The following TESK2 variants were observed in gnomAD, a reference collection of about 807,000 sequenced individuals.
TESK2 encodes the protein dual specificity testis-specific protein kinase 2.
Under a neutral mutation model 57.1 loss-of-function variants are expected in TESK2, and 39 were observed. The ratio of observed to expected loss-of-function variants is 0.68; its 90% CI spans 0.53 to 0.89. The LOEUF is 0.89. TESK2 is among the 40% of genes least tolerant of loss of function. TESK2 has a pLI of 0.00. For synonymous variants in TESK2, 249 were observed against 267.9 expected, an observed-to-expected ratio of 0.93 and a Z score of 0.69; for missense variants, 646 against 732.1, an observed-to-expected ratio of 0.88 and a Z score of 1.36.
intron 2 of TESK2, among the ~76,000 whole-genome samples, chr1:45,444,909 T>A (rs993800414): frequency 6.6e-6 from 1 of 151,218 alleles, no homozygotes; most frequent in Non-Finnish European, 1.5e-5. Context: ...AAACTGCCTT[T>A]ATAAAACTAA....
At chr1:45,459,977 C>T (rs1292191096) in intron 1 of TESK2, among the ~76,000 whole-genome samples, 18 of 152,200 alleles carry the variant, frequency 1.2e-4, no homozygotes, top group East Asian at 1.9e-4. Flanking sequence ...AACCAAATAT[C>T]GCATGTTCTC....
Position 45,355,291 on chromosome 1 carries a change from A to G in TESK2, c.540+12T>C, listed in dbSNP as rs1647372923. On this transcript the variant is annotated intron_variant, in intron 5 of 10. Coordinates refer to ENST00000372086, the MANE Select transcript of TESK2 (RefSeq NM_007170.3). ...TATCTCTCAATGAGTTGTGAGAGTA[A>G]AGCCTTCATACCTTAGATGTGAGGT... 1 of 1,613,188 alleles carries G rather than the reference A, an allele frequency of 6.2e-7. No individual in the cohort carries two copies. The highest frequency in any genetic ancestry group is 8.5e-7 in the Non-Finnish European group (1 of 1,179,782).
chr1:45,377,913 C>T (rs1216243369), intron 4 of TESK2, among the ~76,000 whole-genome samples: 1 of 151,804 alleles, frequency 6.6e-6, no homozygotes, highest in Non-Finnish European at 1.5e-5. Context: ...GTAGTCCCAG[C>T]CACTTGGGAG....
intron 2 of TESK2, among the ~76,000 whole-genome samples, chr1:45,445,133 GACACCCCCA>G (rs920394997): frequency 2.0e-5 from 3 of 152,006 alleles, no homozygotes; most frequent in Non-Finnish European, 4.4e-5. Context: ...CTGGTCTTGT[GACACCCCCA>G]ACCACCACCA....
At chr1:45,348,777 C>G (rs1647189626) in intron 5 of TESK2, among the ~76,000 whole-genome samples, 1 of 152,200 alleles carries the variant, frequency 6.6e-6, no homozygotes, top group Non-Finnish European at 1.5e-5. Flanking sequence ...CATCTCAACT[C>G]TTAGCTCCTC....
At chr1:45,479,017 C>T (rs902274221) in intron 1 of TESK2, among the ~76,000 whole-genome samples, 7 of 152,096 alleles carry the variant, frequency 4.6e-5, no homozygotes, top group African/African-American at 1.7e-4. Flanking sequence ...AGCAACCATA[C>T]CCAGCCTGTT....
chr1:45,466,674 T>A (rs1652566638), intron 1 of TESK2, among the ~76,000 whole-genome samples: 1 of 148,270 alleles, frequency 6.7e-6, no homozygotes, highest in African/African-American at 2.5e-5. Flanking sequence ...ATAATATATA[T>A]TATATATTAT....
intron 2 of TESK2, among the ~76,000 whole-genome samples, chr1:45,454,345 T>A (rs1295076879): frequency 2.0e-5 from 3 of 152,158 alleles, no homozygotes; most frequent in Non-Finnish European, 4.4e-5. Context: ...CAACCATGTG[T>A]ACATACTTAA....
intron 5 of TESK2, among the ~76,000 whole-genome samples, 166 bp from the exon 6 acceptor site, chr1:45,348,166 G>A (rs1490515693): frequency 6.6e-6 from 1 of 152,170 alleles, no homozygotes; most frequent in Non-Finnish European, 1.5e-5. Context: ...CTCTAAGACA[G>A]CCAGGTGAGA....
At chr1:45,460,200 T>C (rs1416541482) in intron 1 of TESK2, among the ~76,000 whole-genome samples, 1 of 151,622 alleles carries the variant, frequency 6.6e-6, no homozygotes, top group African/African-American at 2.4e-5. Context: ...CTCCTGAATC[T>C]AAAATATAAA....
intron 4 of TESK2, among the ~76,000 whole-genome samples, chr1:45,379,083 C>A (rs1314674274): frequency 6.6e-6 from 1 of 152,076 alleles, no homozygotes; most frequent in African/African-American, 2.4e-5. Context: ...CTGAAACACA[C>A]AAAAAAATAA....
chr1:45,382,021 T>A (rs111430918), intron 4 of TESK2, among the ~76,000 whole-genome samples: 1,575 of 151,050 alleles, frequency 0.01, 30 homozygotes, highest in African/African-American at 0.036. Context: ...TAGGTGTGTA[T>A]CACCACATCT....
At chr1:45,390,075 T>A (rs1404500058) in intron 3 of TESK2, among the ~76,000 whole-genome samples, 1 of 152,112 alleles carries the variant, frequency 6.6e-6, no homozygotes, top group East Asian at 1.9e-4. Flanking sequence ...CATCCACCTG[T>A]CCTTTTCCTC....
intron 3 of TESK2, among the ~76,000 whole-genome samples, chr1:45,404,992 A>G (rs1270716496): frequency 6.6e-6 from 1 of 152,192 alleles, no homozygotes; most frequent in African/African-American, 2.4e-5. Context: ...TTATTGTGAC[A>G]GTAGTAATAA....
chr1:45,441,754 T>G (rs1284530207), intron 2 of TESK2, among the ~76,000 whole-genome samples: 1 of 150,732 alleles, frequency 6.6e-6, no homozygotes, highest in African/African-American at 2.4e-5. Flanking sequence ...AGTAGTGAGA[T>G]TACAGGTACG....
chr1:45,405,873 C>CA (rs34880715), intron 3 of TESK2, among the ~76,000 whole-genome samples: 37,975 of 148,802 alleles, frequency 0.26, 4,910 homozygotes, highest in East Asian at 0.36. Context: ...GACCCTGTCT[C>CA]AAAAAAAAAT....
chr1:45,427,659 TAGAA>T (rs955942790), intron 2 of TESK2, among the ~76,000 whole-genome samples: 1 of 152,106 alleles, frequency 6.6e-6, no homozygotes, highest in African/African-American at 2.4e-5. Context: ...AAGCCAGACA[TAGAA>T]AGACAAACTT....
At chr1:45,346,904 A>C in intron 8 of TESK2, 75 bp downstream of exon 8, 1 of 1,572,058 alleles carries the variant, frequency 6.4e-7, no homozygotes, top group Non-Finnish European at 8.8e-7. Context: ...CAGCAAGTCC[A>C]TCCCAGGGAC....
At chr1:45,415,410 T>C in intron 3 of TESK2, 1 of 744,650 alleles carries the variant, frequency 1.3e-6, no homozygotes, top group Non-Finnish European at 2.3e-6. Flanking sequence ...AGAGCACTCC[T>C]CCACCCCATT....
Sources: gnomAD v4.1 joint callset for allele counts (sites outside exome capture counted in the v4.1 genomes callset) on GRCh38, gnomAD v4.1.1 for gene constraint, MANE v1.5 for transcripts, NCBI Gene and HGNC (gene_info 2026-07-23, HGNC 2026-07-21) for gene names.